Variants in KMO observed in about 807,000 individuals in gnomAD.
KMO encodes the protein kynurenine 3-monooxygenase.
Under a neutral mutation model 57.8 loss-of-function variants are expected in KMO, and 24 were observed. That is an observed-to-expected ratio of 0.42 (90% CI 0.30 to 0.58). The LOEUF is 0.58. Ranked by LOEUF, KMO falls within the 20% of genes least tolerant of loss-of-function variation. The probability of loss-of-function intolerance (pLI) is 0.22; values close to 1 mark genes in which losing one functional copy is unlikely to be tolerated. For synonymous variants in KMO, 210 were observed against 193.6 expected (o/e 1.08, Z -0.70); for missense variants, 483 against 588.2 (o/e 0.82, Z 1.85).
rs139950789 is a variant in KMO, at chr1:241,564,970, T to C, written c.616-17T>C. 2.5e-5 allele frequency: 39 copies of C among 1,542,206 alleles called. No homozygotes were observed. The highest frequency in any genetic ancestry group is 1.8e-4 in the African/African-American group (13 of 73,486). On this transcript the variant is annotated splice_polypyrimidine_tract_variant and intron_variant, in intron 7 of 14. Coordinates refer to ENST00000366559, the MANE Select transcript of KMO (RefSeq NM_003679.5). ...TATATGAATGCACTAATCAATCATA[T>C]ATTCTTTTTTCTGCAGTATGCCATG...
chr1:241,539,383 C>CA (rs769776691), intron 1 of KMO, among the ~76,000 whole-genome samples: 8 of 134,882 alleles, frequency 5.9e-5, no homozygotes, highest in African/African-American at 2.4e-4. Context: ...GACTCCGTCT[C>CA]AAAAAAATTC....
chr1:241,565,200 G>T, intron 8 of KMO, 142 bp downstream of exon 8: 3 of 554,146 alleles, frequency 5.4e-6, no homozygotes, highest in South Asian at 2.5e-5. Context: ...TGAAACTTTG[G>T]GATTACTGAG....
At chr1:241,590,344 A>G in intron 14 of KMO, 81 bp downstream of exon 14, 1 of 1,133,136 alleles carries the variant, frequency 8.8e-7, no homozygotes, top group Non-Finnish European at 1.3e-6. Context: ...TGTTTCCAAC[A>G]AATACAGAAA....
In KMO at chr1:241,578,886, C is replaced by T. The variant is rs567451679; in HGVS notation, c.958-7793C>T. Among the ~76,000 whole-genome samples, 182 of 152,184 alleles carry T rather than the reference C, an allele frequency of 1.2e-3. 1 individual carries two copies. The highest frequency in any genetic ancestry group is 4.2e-3 in the African/African-American group (176 of 41,560). Reference sequence around the variant, plus strand: ...ATGGTGGAAGGTGAAAGGCCCTTCTCACATGGTAGCAGACAAGAGAAGAGT... The same window carrying T: ...ATGGTGGAAGGTGAAAGGCCCTTCTTACATGGTAGCAGACAAGAGAAGAGT... On this transcript the variant is annotated intron_variant, in intron 10 of 14. Transcript: ENST00000366559.
At position 241,568,647 on chromosome 1, in the gene KMO, G is replaced by A. The variant is rs762411440; in HGVS notation, c.957G>A (p.Ala319=). Residue 319 remains alanine, a splice_region_variant and synonymous_variant, in exon 10 of 15, where the codon GCG becomes GCA. Coordinates refer to ENST00000366559, the MANE Select transcript of KMO (RefSeq NM_003679.5). ...IVPFFGQGMN[A]GFEDCLVFDE... ...CGTTTTTTGGGCAAGGAATGAATGC[G>A]GTAAGTTCTTTTTCCCTAGGTAAGT... 2 of 1,612,858 alleles carry A rather than the reference G, an allele frequency of 1.2e-6. No homozygotes were observed. Among genetic ancestry groups the A allele is most frequent in the African/African-American group, 1.3e-5 (1 of 74,874 alleles).
At chr1:241,536,736 C>T (rs144975762) in intron 1 of KMO, among the ~76,000 whole-genome samples, 42 of 152,250 alleles carry the variant, frequency 2.8e-4, no homozygotes, top group Admixed American at 5.2e-4. Context: ...ATCTACTCTC[C>T]CTATGTTTGA....
At chr1:241,534,121 A>G (rs1054789339) in intron 1 of KMO, among the ~76,000 whole-genome samples, 1 of 152,222 alleles carries the variant, frequency 6.6e-6, no homozygotes, top group African/African-American at 2.4e-5. Context: ...ATGGGAAACT[A>G]TTGGAGGATT....
Position 241,562,157 on chromosome 1 carries a change from T to C in KMO, c.450-10T>C, listed in dbSNP as rs1431346716. The C allele has an allele frequency of 2.5e-6, 4 of 1,613,118 alleles. No homozygotes were observed. The South Asian group carries it at 4.4e-5, about 18-fold the overall frequency. ...TATTTTTCTTTTGGATGTTTTGTTCTATTTTTCAGATCTGACAAAGTTCCC... is the reference window on the plus strand; with the variant it reads ...TATTTTTCTTTTGGATGTTTTGTTCCATTTTTCAGATCTGACAAAGTTCCC... On this transcript the variant is annotated splice_polypyrimidine_tract_variant and intron_variant, in intron 6 of 14. Coordinates refer to ENST00000366559, the MANE Select transcript of KMO (RefSeq NM_003679.5).
chr1:241,577,126 T>G (rs866992390), intron 10 of KMO, among the ~76,000 whole-genome samples: 1 of 152,120 alleles, frequency 6.6e-6, no homozygotes, highest in Non-Finnish European at 1.5e-5. Context: ...CTTTAGGAAA[T>G]TTTTCATTCA....
intron 4 of KMO, among the ~76,000 whole-genome samples, chr1:241,552,644 A>T (rs1346196070): frequency 6.6e-6 from 1 of 152,016 alleles, no homozygotes; most frequent in African/African-American, 2.4e-5. Flanking sequence ...CACAGACAAC[A>T]CTCACTCAAA....
intron 1 of KMO, among the ~76,000 whole-genome samples, chr1:241,540,438 A>G (rs1660919162): frequency 6.6e-6 from 1 of 152,164 alleles, no homozygotes; most frequent in Non-Finnish European, 1.5e-5. Context: ...AGGAAAAACT[A>G]CACTGAGGAT....
intron 10 of KMO, among the ~76,000 whole-genome samples, chr1:241,569,236 C>T (rs1662189882): frequency 6.6e-6 from 1 of 151,848 alleles, no homozygotes; most frequent in Non-Finnish European, 1.5e-5. Context: ...CCACATTCAC[C>T]CTATTGTGAT....
chr1:241,589,870 G>A, intron 12 of KMO, 142 bp from the exon 13 acceptor site: 1 of 680,000 alleles, frequency 1.5e-6, no homozygotes, highest in Non-Finnish European at 2.5e-6. Flanking sequence ...AATGGATTGG[G>A]AATGACATTA....
intron 1 of KMO, among the ~76,000 whole-genome samples, chr1:241,544,060 G>A (rs1371046144): frequency 6.6e-6 from 1 of 152,170 alleles, no homozygotes; most frequent in Non-Finnish European, 1.5e-5. Flanking sequence ...TTTGTTTGCA[G>A]CATTATATAT....
chr1:241,591,847 A>T, intron 14 of KMO, 106 bp from the exon 15 acceptor site: 1 of 840,454 alleles, frequency 1.2e-6, no homozygotes, highest in Non-Finnish European at 1.9e-6. Context: ...GTTTCAGGTT[A>T]AAGAACAAAG....
At chr1:241,572,398 T>A (rs1662325947) in intron 10 of KMO, among the ~76,000 whole-genome samples, 1 of 152,090 alleles carries the variant, frequency 6.6e-6, no homozygotes, top group South Asian at 2.1e-4. Context: ...CTAATGATCC[T>A]TTGAGTTTCT....
At chr1:241,548,768 T>C in intron 1 of KMO, 61 bp from the exon 2 acceptor site, 1 of 1,014,574 alleles carries the variant, frequency 9.9e-7, no homozygotes, top group Non-Finnish European at 1.5e-6. Context: ...TTCATTTTGC[T>C]GCTAAAAATT....
At chr1:241,548,755 T>A (rs1230023556) in intron 1 of KMO, 74 bp from the exon 2 acceptor site, 2 of 850,190 alleles carry the variant, frequency 2.4e-6, no homozygotes, top group Non-Finnish European at 3.8e-6. Flanking sequence ...CCTCACATGA[T>A]GTTTCATTTT....
intron 10 of KMO, among the ~76,000 whole-genome samples, chr1:241,584,095 C>T (rs1319609671): frequency 6.6e-6 from 1 of 152,106 alleles, no homozygotes; most frequent in African/African-American, 2.4e-5. Flanking sequence ...TAGTAATTTA[C>T]ATTAGGTATT....
Sources: allele counts gnomAD v4.1 joint callset (sites outside exome capture counted in the v4.1 genomes callset), GRCh38; gene constraint gnomAD v4.1.1; transcripts MANE v1.5; gene names NCBI Gene and HGNC (gene_info 2026-07-23, HGNC 2026-07-21).